The following SCG3 variants were observed in gnomAD, a reference collection of about 807,000 sequenced individuals.
The protein encoded by SCG3 is secretogranin III.
SCG3 carries 38 observed loss-of-function variants against 56.2 expected under a neutral mutation model. The observed-to-expected ratio is 0.68, with a 90% CI of 0.52 to 0.89. The LOEUF is 0.89. SCG3 is among the 40% of genes least tolerant of loss of function. The pLI, the probability that SCG3 is intolerant of heterozygous loss-of-function variation, is 0.00. For synonymous variants in SCG3, 176 were observed against 184.2 expected (o/e 0.96, Z 0.36); for missense variants, 524 against 540.7 (o/e 0.97, Z 0.31).
At chr15:51,692,568 A>C (rs1488114823) in intron 7 of SCG3, among the ~76,000 whole-genome samples, 10 of 152,174 alleles carry the variant, frequency 6.6e-5, no homozygotes, top group African/African-American at 2.4e-4. Context: ...TGTTAACAGA[A>C]GGTTCATTTA....
chr15:51,713,783 A>G (rs1036626237), intron 11 of SCG3, among the ~76,000 whole-genome samples: 4 of 152,146 alleles, frequency 2.6e-5, no homozygotes, highest in African/African-American at 9.7e-5. Context: ...GCATTTTCTG[A>G]GCACAAATTT....
In SCG3 at chr15:51,699,363, G is replaced by GA. The variant is rs775960121; in HGVS notation, c.1037dup (p.Asn346LysfsTer4). ...TGCTCTTCAGACCAAAAACAAGCTA[G>GA]AAAAAAATGCTACTGACAATATAAG... On this transcript the variant is annotated frameshift_variant, in exon 9 of 12. Coordinates refer to ENST00000220478, the MANE Select transcript of SCG3 (RefSeq NM_013243.4). LOFTEE classifies it high-confidence loss of function. 6.2e-6 allele frequency: 10 copies of GA among 1,606,418 alleles called. No homozygotes were observed. The highest frequency in any genetic ancestry group is 5.4e-5 in the African/African-American group (4 of 74,350).
intron 7 of SCG3, chr15:51,694,040 C>G (rs1400984132): frequency 6.6e-6 from 1 of 152,190 alleles, no homozygotes; most frequent in African/African-American, 2.4e-5. Flanking sequence ...CAACCCATGA[C>G]TTTATGGCAT....
Position 51,719,479 on chromosome 15 carries a change from G to A in SCG3, c.1360G>A (p.Asp454Asn). 1 of 1,614,076 alleles carries A rather than the reference G, an allele frequency of 6.2e-7. No homozygotes were observed. Among genetic ancestry groups the A allele is most frequent in the East Asian group, 2.2e-5 (1 of 44,884 alleles). ...ADAYVEKGIL[D>N]KEEAEAIKRI... ...TGCTTATGTGGAGAAAGGCATCCTTGACAAGGAAGAAGCCGAGGCCATCAA... is the reference window on the plus strand; with the variant it reads ...TGCTTATGTGGAGAAAGGCATCCTTAACAAGGAAGAAGCCGAGGCCATCAA... Residue 454 changes from aspartate (D) to asparagine (N), a missense_variant, in exon 12 of 12, where the codon GAC becomes AAC. Transcript: ENST00000220478.
intron 10 of SCG3, among the ~76,000 whole-genome samples, chr15:51,712,025 C>G (rs1283705018): frequency 6.6e-6 from 1 of 152,094 alleles, no homozygotes; most frequent in African/African-American, 2.4e-5. Flanking sequence ...GTTGGAGGTA[C>G]CCAGGTTCAA....
rs778663893 is a variant in SCG3 at position 51,695,933 on chromosome 15, T to C, written c.927T>C (p.Phe309=). The C allele has an allele frequency of 8.1e-6, 13 of 1,611,702 alleles. No homozygotes were observed. The highest frequency in any genetic ancestry group is 6.6e-5 in the South Asian group (6 of 90,972). Reference sequence around the variant, plus strand: ...CTATCATGAAAACACTGATTGACTTTGTGAAGATGATGGTGAAATATGGAA... The same window carrying C: ...CTATCATGAAAACACTGATTGACTTCGTGAAGATGATGGTGAAATATGGAA... ...LITIMKTLID[F]VKMMVKYGTI... is the part of the protein sequence containing the mutation. The change falls in exon 8 of 12, where the codon TTT becomes TTC. Residue 309 remains phenylalanine (F), a synonymous_variant. Transcript: ENST00000220478.
chr15:51,690,449 T>A (rs972043924), intron 6 of SCG3, among the ~76,000 whole-genome samples: 22 of 152,172 alleles, frequency 1.4e-4, no homozygotes, highest in African/African-American at 5.3e-4. Flanking sequence ...CAGCATCTTA[T>A]CTCAAATACA....
At chr15:51,683,174 A>C (rs1166922398) in intron 3 of SCG3, 45 bp from the exon 4 acceptor site, 6 of 1,602,572 alleles carry the variant, frequency 3.7e-6, no homozygotes, top group African/African-American at 1.3e-5. Flanking sequence ...GGCTATGAGA[A>C]TCTGAACTAA....
chr15:51,692,374 G>A (rs770598947), intron 7 of SCG3, 38 bp downstream of exon 7: 2 of 1,565,184 alleles, frequency 1.3e-6, no homozygotes, highest in Non-Finnish European at 1.7e-6. Flanking sequence ...GGAACAGAAA[G>A]AGTGATTCCA....
chr15:51,719,566 A>T lies in SCG3; in HGVS notation c.*40A>T. ...CCAGGAGTCTTTCAACTGTTTCAGA[A>T]AACATAATATAGCTTAAAACACTTC... On this transcript the variant is annotated 3_prime_UTR_variant, in exon 12 of 12. Coordinates refer to ENST00000220478, the MANE Select transcript of SCG3 (RefSeq NM_013243.4). 1.5e-6 allele frequency: 2 copies of T among 1,377,898 alleles called. No individual in the cohort carries two copies. The highest frequency in any genetic ancestry group is 2.1e-6 in the Non-Finnish European group (2 of 970,378). The allele number at this position is 1,377,898 out of a possible 1,614,324, so 85.4% of individuals were successfully genotyped here.
At chr15:51,684,241 G>A (rs77896416) in intron 4 of SCG3, among the ~76,000 whole-genome samples, 4,754 of 152,062 alleles carry the variant, frequency 0.031, 220 homozygotes, top group African/African-American at 0.11. Context: ...TCCAATCCTT[G>A]TCCAAGCTCC....
intron 11 of SCG3, among the ~76,000 whole-genome samples, chr15:51,715,536 A>G (rs1472885029): frequency 1.3e-5 from 2 of 152,166 alleles, no homozygotes; most frequent in African/African-American, 2.4e-5. Flanking sequence ...TAGTGAGGAT[A>G]ATGAGAAAAT....
chr15:51,694,416 C>A (rs1444590717), intron 7 of SCG3, among the ~76,000 whole-genome samples: 4 of 152,072 alleles, frequency 2.6e-5, no homozygotes, highest in Non-Finnish European at 5.9e-5. Flanking sequence ...TTGCACTGTT[C>A]CAGGCAAGTG....
Position 51,715,498 on chromosome 15 carries a change from C to T in SCG3, c.1288+2085C>T, listed in dbSNP as rs3794526. ...GGTGACCTGAATCCCCTTCCCAAAC[C>T]CAGGAAAGGGAGGTCCATGTGATGT... On this transcript the variant is annotated intron_variant, in intron 11 of 11. Coordinates refer to ENST00000220478, the MANE Select transcript of SCG3 (RefSeq NM_013243.4). Among the ~76,000 whole-genome samples the T allele has an allele frequency of 2.7e-3, 411 of 152,070 alleles. 15 individuals carry two copies. The East Asian group carries it at 0.061, about 23-fold the overall frequency.
intron 1 of SCG3, 48 bp downstream of exon 1, chr15:51,681,885 A>T (rs2055196997): frequency 6.6e-7 from 1 of 1,520,002 alleles, no homozygotes; most frequent in Admixed American, 1.7e-5. Flanking sequence ...TTTCGCCACG[A>T]AAAGGTAAAG....
rs547868675 is a variant in SCG3, at chr15:51,704,806, T to A, written c.1207+3562T>A. On this transcript the variant is annotated intron_variant, in intron 10 of 11. Transcript: ENST00000220478. ...ATATATATATATATACATCTCTCTT[T>A]GAGCTCCTTCTTTCAGTTCTTTTGG... Among the ~76,000 whole-genome samples, 725 of 141,124 alleles carry A rather than the reference T, an allele frequency of 5.1e-3. 9 individuals are homozygous for A. The highest frequency in any genetic ancestry group is 7.6e-3 in the Non-Finnish European group (485 of 64,166). The allele number at this position is 141,124 out of a possible 152,430, so 92.6% of individuals were successfully genotyped here.
chr15:51,696,438 T>C (rs1459566032), intron 8 of SCG3, among the ~76,000 whole-genome samples: 1 of 151,968 alleles, frequency 6.6e-6, no homozygotes, highest in East Asian at 1.9e-4. Context: ...TAGTTCCAGC[T>C]ACTCAGGAGG....
At chr15:51,688,001 C>T (rs1595828670) in intron 4 of SCG3, among the ~76,000 whole-genome samples, 1 of 152,232 alleles carries the variant, frequency 6.6e-6, no homozygotes, top group Admixed American at 6.5e-5. Flanking sequence ...TAAATGGAGA[C>T]TACTTTTCTG....
At chr15:51,701,987 G>C (rs984580452) in intron 10 of SCG3, among the ~76,000 whole-genome samples, 2 of 152,190 alleles carry the variant, frequency 1.3e-5, no homozygotes, top group African/African-American at 4.8e-5. Context: ...TCATGTAAAT[G>C]ATGAGTTAAT....
Sources: gnomAD v4.1 joint callset for allele counts (sites outside exome capture counted in the v4.1 genomes callset) on GRCh38, gnomAD v4.1.1 for gene constraint, MANE v1.5 for transcripts, NCBI Gene and HGNC (gene_info 2026-07-23, HGNC 2026-07-21) for gene names.